The following SYT1 variants were observed in gnomAD, a reference collection of about 807,000 sequenced individuals.
SYT1 encodes the protein synaptotagmin-1.
A neutral mutation model predicts 44.8 loss-of-function variants in SYT1; 8 were observed. The observed-to-expected ratio is 0.18, with a 90% CI of 0.10 to 0.32. The LOEUF is 0.32. Among genes scored for constraint, SYT1 ranks in the 10% least tolerant of loss-of-function variants. The probability of loss-of-function intolerance (pLI) is 1.00; values close to 1 mark genes in which losing one functional copy is unlikely to be tolerated. For synonymous variants in SYT1, 154 were observed against 188.8 expected (o/e 0.82, Z 1.51); for missense variants, 286 against 509.3 (o/e 0.56, Z 4.22).
intron 1 of SYT1, among the ~76,000 whole-genome samples, chr12:78,964,818 G>C (rs945015057): frequency 7.9e-5 from 12 of 152,188 alleles, no homozygotes; most frequent in East Asian, 1.9e-4. Context: ...CTCAAATGCT[G>C]ATAACTTTTC....
chr12:78,925,638 A>G (rs948615327), intron 1 of SYT1, among the ~76,000 whole-genome samples: 2 of 151,970 alleles, frequency 1.3e-5, no homozygotes, highest in African/African-American at 4.8e-5. Flanking sequence ...CCCTTTCTTC[A>G]TAGAGCAGTT....
intron 3 of SYT1, among the ~76,000 whole-genome samples, chr12:79,059,490 G>A (rs546525706): frequency 8.6e-4 from 131 of 151,992 alleles, no homozygotes; most frequent in African/African-American, 3.0e-3. Flanking sequence ...GAAAGAAATC[G>A]TTATTTGTGT....
rs551325626 is a variant in SYT1 at position 79,250,964 on chromosome 12, A to T, written c.166+33279A>T. Among the ~76,000 whole-genome samples, 20 of 152,310 alleles carry T rather than the reference A, an allele frequency of 1.3e-4. No homozygotes were observed. The South Asian group carries it at 4.1e-3, about 32-fold the overall frequency. ...CATTCAACTAGTGGAGCAGCTCAGCATAAAGTGACTTTTCACTTTATGCTG... is the reference window on the plus strand; with the variant it reads ...CATTCAACTAGTGGAGCAGCTCAGCTTAAAGTGACTTTTCACTTTATGCTG... On this transcript the variant is annotated intron_variant, in intron 4 of 10. Coordinates refer to ENST00000261205, the MANE Select transcript of SYT1 (RefSeq NM_005639.3).
intron 4 of SYT1, among the ~76,000 whole-genome samples, chr12:79,283,615 A>G (rs966385729): frequency 6.6e-6 from 1 of 152,202 alleles, no homozygotes; most frequent in African/African-American, 2.4e-5. Context: ...CCCGCAATGA[A>G]TACATACACT....
intron 3 of SYT1, among the ~76,000 whole-genome samples, chr12:79,106,855 CTACTT>C (rs1466268366): frequency 2.0e-5 from 3 of 152,070 alleles, no homozygotes; most frequent in Admixed American, 1.3e-4. Flanking sequence ...AGTTTTTCCT[CTACTT>C]TACCTTTAAT....
intron 3 of SYT1, among the ~76,000 whole-genome samples, chr12:79,214,101 T>TA (rs1689107248): frequency 6.6e-6 from 1 of 152,202 alleles, no homozygotes; most frequent in Non-Finnish European, 1.5e-5. Flanking sequence ...TCTCTCAAGA[T>TA]ATGAAGGAAT....
chr12:79,411,691 A>C (rs1868439180), intron 9 of SYT1, among the ~76,000 whole-genome samples: 1 of 152,170 alleles, frequency 6.6e-6, no homozygotes, highest in Admixed American at 6.5e-5. Context: ...AGATAATTAG[A>C]AAAAAGTGCT....
At chr12:79,125,603 G>T (rs1592770802) in intron 3 of SYT1, among the ~76,000 whole-genome samples, 1 of 134,760 alleles carries the variant, frequency 7.4e-6, no homozygotes, top group South Asian at 2.3e-4. Flanking sequence ...CTGGGCAACA[G>T]AACAAGCCCC....
At chr12:79,053,413 C>T (rs1307836107) in intron 3 of SYT1, among the ~76,000 whole-genome samples, 4 of 151,728 alleles carry the variant, frequency 2.6e-5, no homozygotes, top group African/African-American at 9.7e-5. Context: ...TGCTAAATGA[C>T]GAGTTAATGG....
At chr12:79,093,699 G>C (rs531449015) in intron 3 of SYT1, among the ~76,000 whole-genome samples, 1 of 150,956 alleles carries the variant, frequency 6.6e-6, no homozygotes, top group East Asian at 2.0e-4. Flanking sequence ...CTTTAAACTA[G>C]AATAATTATT....
intron 8 of SYT1, among the ~76,000 whole-genome samples, chr12:79,344,430 ATACTG>A (rs1882515332): frequency 6.6e-6 from 1 of 152,048 alleles, no homozygotes; most frequent in Non-Finnish European, 1.5e-5. Flanking sequence ...CCACCACTCT[ATACTG>A]TACTTTACTG....
intron 1 of SYT1, among the ~76,000 whole-genome samples, chr12:78,877,356 A>G (rs1416339929): frequency 6.6e-6 from 1 of 151,562 alleles, no homozygotes; most frequent in Non-Finnish European, 1.5e-5. Context: ...ACCTTCCCCC[A>G]TGATTCCGTT....
intron 3 of SYT1, among the ~76,000 whole-genome samples, chr12:79,210,328 G>T (rs559572231): frequency 6.6e-6 from 1 of 151,652 alleles, no homozygotes; most frequent in South Asian, 2.1e-4. Flanking sequence ...GTGGTGATTT[G>T]TGAGATTTTG....
At chr12:78,876,616 C>T (rs867419074) in intron 1 of SYT1, among the ~76,000 whole-genome samples, 1 of 136,504 alleles carries the variant, frequency 7.3e-6, no homozygotes, top group Non-Finnish European at 1.5e-5. Context: ...AATATATACA[C>T]ATATGTATAT....
intron 3 of SYT1, among the ~76,000 whole-genome samples, chr12:79,127,156 C>T (rs558975094): frequency 6.6e-6 from 1 of 152,352 alleles, no homozygotes; most frequent in African/African-American, 2.4e-5. Flanking sequence ...GCATTTGTTA[C>T]TTAAGCATAA....
chr12:79,117,703 ATATATATATAT>A (rs1879371587), intron 3 of SYT1, among the ~76,000 whole-genome samples: 1 of 120,778 alleles, frequency 8.3e-6, no homozygotes, highest in East Asian at 2.6e-4. Flanking sequence ...ATATATATAT[ATATATATATAT>A]AAAATAAATA....
chr12:79,332,660 A>G (rs1881907137), intron 8 of SYT1, among the ~76,000 whole-genome samples: 1 of 152,198 alleles, frequency 6.6e-6, no homozygotes, highest in South Asian at 2.1e-4. Flanking sequence ...TTTAATGTAG[A>G]TATTGTGGGA....
intron 9 of SYT1, among the ~76,000 whole-genome samples, chr12:79,434,451 AC>A (rs978492716): frequency 1.3e-5 from 2 of 152,102 alleles, no homozygotes; most frequent in African/African-American, 4.8e-5. Flanking sequence ...ATTTATAAAG[AC>A]CCCCTCAAGT....
At chr12:79,180,852 T>A (rs1337391073) in intron 3 of SYT1, among the ~76,000 whole-genome samples, 2 of 152,072 alleles carry the variant, frequency 1.3e-5, no homozygotes, top group African/African-American at 4.8e-5. Context: ...CATCTTGAAC[T>A]GTAGTTCCCA....
Sources: gnomAD v4.1 joint callset for allele counts (sites outside exome capture counted in the v4.1 genomes callset) on GRCh38, gnomAD v4.1.1 for gene constraint, MANE v1.5 for transcripts, NCBI Gene and HGNC (gene_info 2026-07-23, HGNC 2026-07-21) for gene names.